Variants in KCMF1 observed in about 807,000 individuals in gnomAD.
KCMF1 encodes the protein potassium channel modulatory factor 1.
In KCMF1, 3 loss-of-function variants were observed where a neutral mutation model predicts 41.1. The ratio of observed to expected loss-of-function variants is 0.07; its 90% CI spans 0.03 to 0.19. The LOEUF is 0.19. KCMF1 is among the 10% of genes least tolerant of loss of function. KCMF1 has a pLI of 1.00. For missense variants in KCMF1, 286 were observed against 488.9 expected, an observed-to-expected ratio of 0.58 and a Z score of 3.91; for synonymous variants, 142 against 164.5, an observed-to-expected ratio of 0.86 and a Z score of 1.04.
chr2:85,030,430 A>C (rs371550750), intron 2 of KCMF1, among the ~76,000 whole-genome samples: 3 of 152,266 alleles, frequency 2.0e-5, no homozygotes, highest in African/African-American at 7.2e-5. Context: ...ACGAAGATTT[A>C]AACTTGTGTG....
At chr2:85,027,467 T>C (rs1675137543) in intron 1 of KCMF1, among the ~76,000 whole-genome samples, 1 of 144,960 alleles carries the variant, frequency 6.9e-6, no homozygotes, top group African/African-American at 2.5e-5. Context: ...CCCTACCTCC[T>C]GGGTTTAAGC....
intron 2 of KCMF1, among the ~76,000 whole-genome samples, chr2:85,031,355 G>A (rs1364767043): frequency 6.6e-6 from 1 of 152,086 alleles, no homozygotes; most frequent in Non-Finnish European, 1.5e-5. Context: ...CACTTCCATT[G>A]AATTTATTCC....
chr2:85,049,517 A>G lies in KCMF1; in HGVS notation c.753A>G (p.Ala251=). 6.2e-7 allele frequency: 1 copy of G among 1,614,048 alleles called. No homozygotes were observed. Among genetic ancestry groups the G allele is most frequent in the Non-Finnish European group, 8.5e-7 (1 of 1,179,904 alleles). ...CAGCACGGCAACAACTGGAGACCGC[A>G]CGCAACGCAACCCGGCGTACTAACA... ...AQAARQQLET[A]RNATRRTNTS... The change falls in exon 6 of 7, where the codon GCA becomes GCG. Residue 251 remains alanine, a synonymous_variant. Coordinates refer to ENST00000409785, the MANE Select transcript of KCMF1 (RefSeq NM_020122.5).
chr2:85,059,105 C>T lies in KCMF1; in HGVS notation c.*5696C>T, dbSNP rs1428109789. Reference sequence around the variant, plus strand: ...AGGAGAGTTCATGGATTCTTACCCCCTAGTCATGAAAGCTATTCTGGCCAG... The same window carrying T: ...AGGAGAGTTCATGGATTCTTACCCCTTAGTCATGAAAGCTATTCTGGCCAG... On this transcript the variant is annotated 3_prime_UTR_variant, in exon 7 of 7. Transcript: ENST00000409785. The T allele has an allele frequency of 6.6e-6, 1 of 152,152 alleles. No individual in the cohort carries two copies. Among genetic ancestry groups the T allele is most frequent in the Non-Finnish European group, 1.5e-5 (1 of 67,992 alleles). 9.4% of individuals were successfully genotyped at this position (152,152 alleles called of 1,614,324 possible).
At chr2:85,021,924 C>T (rs1674954830) in intron 1 of KCMF1, among the ~76,000 whole-genome samples, 1 of 152,036 alleles carries the variant, frequency 6.6e-6, no homozygotes, top group South Asian at 2.1e-4. Flanking sequence ...TCAAGCAATT[C>T]TCCTGCCTCA....
chr2:85,038,597 TTTCTTCTTC>T (rs146981605), intron 3 of KCMF1, among the ~76,000 whole-genome samples: 7 of 152,188 alleles, frequency 4.6e-5, no homozygotes, highest in African/African-American at 1.4e-4. Flanking sequence ...GTAGAATGTC[TTTCTTCTTC>T]TTCTTCTTCT....
intron 3 of KCMF1, among the ~76,000 whole-genome samples, chr2:85,042,789 C>T (rs554643427): frequency 6.6e-6 from 1 of 152,152 alleles, no homozygotes; most frequent in African/African-American, 2.4e-5. Flanking sequence ...CCCTCTCCTT[C>T]CCTCTGTTTC....
At chr2:84,989,539 G>A (rs191032085) in intron 1 of KCMF1, among the ~76,000 whole-genome samples, 131 of 152,240 alleles carry the variant, frequency 8.6e-4, no homozygotes, top group African/African-American at 3.1e-3. Flanking sequence ...GGATCTGCAG[G>A]GAGGAAGGTA....
chr2:84,979,450 G>C (rs1477578674), intron 1 of KCMF1, among the ~76,000 whole-genome samples: 2 of 151,668 alleles, frequency 1.3e-5, no homozygotes, highest in African/African-American at 4.8e-5. Flanking sequence ...CTTGAACCCA[G>C]GAGGCGGAGG....
chr2:85,048,943 A>C (rs1165032348), intron 5 of KCMF1, among the ~76,000 whole-genome samples: 1 of 152,192 alleles, frequency 6.6e-6, no homozygotes, highest in Non-Finnish European at 1.5e-5. Context: ...AATTCCTGCT[A>C]TATCAGGCCC....
chr2:85,033,365 T>C (rs1373816372), intron 2 of KCMF1, among the ~76,000 whole-genome samples: 1 of 152,214 alleles, frequency 6.6e-6, no homozygotes, highest in African/African-American at 2.4e-5. Flanking sequence ...TGTTTCTGTC[T>C]CTCTGTTTTA....
chr2:84,978,171 A>G (rs957772107), intron 1 of KCMF1, among the ~76,000 whole-genome samples: 1 of 151,586 alleles, frequency 6.6e-6, no homozygotes, highest in African/African-American at 2.4e-5. Context: ...CTAATTTTGT[A>G]TTTTTAGTAG....
intron 2 of KCMF1, among the ~76,000 whole-genome samples, chr2:85,028,278 G>A (rs1675164866): frequency 6.6e-6 from 1 of 152,000 alleles, no homozygotes; most frequent in African/African-American, 2.4e-5. Flanking sequence ...CACCTCCCTG[G>A]TTCAAGCAAT....
chr2:84,978,286 C>T (rs1673604267), intron 1 of KCMF1, among the ~76,000 whole-genome samples: 1 of 152,242 alleles, frequency 6.6e-6, no homozygotes, highest in African/African-American at 2.4e-5. Flanking sequence ...CATGAGCCAC[C>T]GTGCCCAGCC....
intron 6 of KCMF1, among the ~76,000 whole-genome samples, chr2:85,052,546 C>T (rs556763919): frequency 6.6e-6 from 1 of 152,320 alleles, no homozygotes; most frequent in South Asian, 2.1e-4. Context: ...TAAGTACATG[C>T]ATCAGGGGAG....
intron 3 of KCMF1, among the ~76,000 whole-genome samples, chr2:85,040,363 A>G (rs1294220021): frequency 6.6e-6 from 1 of 152,048 alleles, no homozygotes; most frequent in Non-Finnish European, 1.5e-5. Context: ...CCTGTAAGAG[A>G]TATTAGGCAC....
At chr2:84,976,162 A>G (rs774041443) in intron 1 of KCMF1, among the ~76,000 whole-genome samples, 52 of 151,500 alleles carry the variant, frequency 3.4e-4, no homozygotes, top group Non-Finnish European at 6.3e-4. Context: ...GAGGTACTCT[A>G]CTGTGATTCT....
intron 1 of KCMF1, among the ~76,000 whole-genome samples, chr2:84,986,060 G>A (rs1673893403): frequency 6.6e-6 from 1 of 152,126 alleles, no homozygotes; most frequent in Non-Finnish European, 1.5e-5. Context: ...TGACCTTCTA[G>A]ATTGATTTCA....
chr2:84,979,172 G>C (rs1006440452), intron 1 of KCMF1, among the ~76,000 whole-genome samples: 7 of 152,068 alleles, frequency 4.6e-5, no homozygotes, highest in African/African-American at 1.7e-4. Context: ...TAAACTAGAA[G>C]CTCCAAAAGT....
Sources: allele counts gnomAD v4.1 joint callset (sites outside exome capture counted in the v4.1 genomes callset), GRCh38; gene constraint gnomAD v4.1.1; transcripts MANE v1.5; gene names NCBI Gene and HGNC (gene_info 2026-07-23, HGNC 2026-07-21).